PGK1: variants seen among roughly 807,000 people sequenced by gnomAD.
PGK1 encodes PRP 2.
Under a neutral mutation model 26.9 loss-of-function variants are expected in PGK1, and 3 were observed. That is an observed-to-expected ratio of 0.11 (90% CI 0.05 to 0.29). The LOEUF (loss-of-function observed/expected upper bound fraction) is 0.29, where lower values mean the gene tolerates loss of function less well. Among genes scored for constraint, PGK1 ranks in the 10% least tolerant of loss-of-function variants. The pLI, the probability that PGK1 is intolerant of heterozygous loss-of-function variation, is 1.00. For synonymous variants in PGK1, 125 were observed against 115.3 expected (o/e 1.08, Z -0.54); for missense variants, 270 against 314.7 (o/e 0.86, Z 1.07).
chrX:78,116,004 A>G (rs1406954777), intron 4 of PGK1, among the ~76,000 whole-genome samples: 4 of 106,956 alleles, frequency 3.7e-5, no homozygotes, highest in Non-Finnish European at 7.7e-5. Context: ...ACATACCACC[A>G]TGTCCAACTG....
At chrX:78,120,179 A>T (rs781956274) in intron 6 of PGK1, among the ~76,000 whole-genome samples, 1 of 111,870 alleles carries the variant, frequency 8.9e-6, no homozygotes, top group Admixed American at 9.5e-5. Flanking sequence ...ATTTTATTAA[A>T]CAAACTTTAT....
chrX:78,125,856 G>A lies in PGK1; in HGVS notation c.*26G>A. 4.4e-6 allele frequency: 5 copies of A among 1,130,826 alleles called. No individual in the cohort carries two copies. Among genetic ancestry groups the A allele is most frequent in the Non-Finnish European group, 6.1e-6 (5 of 821,872 alleles). The allele number at this position is 1,130,826 out of a possible 1,213,427, so 93.2% of individuals were successfully genotyped here. On this transcript the variant is annotated 3_prime_UTR_variant, in exon 11 of 11. Coordinates refer to ENST00000373316, the MANE Select transcript of PGK1 (RefSeq NM_000291.4). Reference sequence around the variant, plus strand: ...TACTTTCCTGCCTTTTAGTTCCTGTGCACAGCCCCTAAGTCAACTTAGCAT... The same window carrying A: ...TACTTTCCTGCCTTTTAGTTCCTGTACACAGCCCCTAAGTCAACTTAGCAT...
rs781945771 is a variant in PGK1, at chrX:78,119,235, C to T, written c.641+1065C>T. Among the ~76,000 whole-genome samples the T allele has an allele frequency of 8.3e-4, 93 of 111,984 alleles. 1 individual carries two copies. The highest frequency in any genetic ancestry group is 3.0e-3 in the African/African-American group (93 of 30,814). ...TTAATATATAATTTAGACCTCATTT[C>T]TCCAGATTACATACCTATTTTATCT... is the stretch of plus-strand genomic sequence containing the variant. On this transcript the variant is annotated intron_variant, in intron 6 of 10. Transcript: ENST00000373316.
At position 78,128,782 on chromosome X, in the gene PGK1, G is replaced by A. The variant is rs2078394395; in HGVS notation, c.*2952G>A. 1 of 111,190 alleles carries A rather than the reference G, an allele frequency of 9.0e-6. No individual in the cohort carries two copies. The highest frequency in any genetic ancestry group is 3.8e-4 in the South Asian group (1 of 2,657). The allele number at this position is 111,190 out of a possible 1,213,427, so 9.2% of individuals were successfully genotyped here. A position where few individuals can be genotyped will look rare whatever the true frequency, so the allele number is the denominator to read the frequency against. On this transcript the variant is annotated 3_prime_UTR_variant, in exon 11 of 11. Coordinates refer to ENST00000373316, the MANE Select transcript of PGK1 (RefSeq NM_000291.4). ...TTCCAAAATTTCCCTCTAGCACAGG[G>A]GTTTACACATGATCAAAAAGGAGTA... is the stretch of plus-strand genomic sequence containing the variant.
Position 78,125,824 on chromosome X carries a change from T to G in PGK1, c.1248T>G (p.Asn416Lys), listed in dbSNP as rs1208847909. 1.6e-5 allele frequency: 19 copies of G among 1,195,555 alleles called. No individual in the cohort carries two copies. Among genetic ancestry groups the G allele is most frequent in the Non-Finnish European group, 2.2e-5 (19 of 881,989 alleles). The change falls in exon 11 of 11, where the codon AAT (asparagine) becomes AAG (lysine). Residue 416 changes from asparagine (N) to lysine (K), a missense_variant. Asn to Lys is a moderately conservative substitution (Grantham distance 94). Coordinates refer to ENST00000373316, the MANE Select transcript of PGK1 (RefSeq NM_000291.4). Reference sequence around the variant, plus strand: ...TTCCTGGGGTGGATGCTCTCAGCAATATTTAGTACTTTCCTGCCTTTTAGT... The same window carrying G: ...TTCCTGGGGTGGATGCTCTCAGCAAGATTTAGTACTTTCCTGCCTTTTAGT... ...KVLPGVDALS[N>K]I
chrX:78,122,871 T>C lies in PGK1; in HGVS notation c.678T>C (p.Asn226=). 1 of 1,201,229 alleles carries C rather than the reference T, an allele frequency of 8.3e-7. No individual in the cohort carries two copies. Among genetic ancestry groups the C allele is most frequent in the Non-Finnish European group, 1.1e-6 (1 of 886,810 alleles). ...CAGACAAGATCCAGCTCATCAATAA[T>C]ATGCTGGACAAAGTCAATGAGATGA... ...KVADKIQLIN[N]MLDKVNEMII... The change falls in exon 7 of 11, where the codon AAT becomes AAC. Residue 226 remains asparagine, a synonymous_variant. Transcript: ENST00000373316.
chrX:78,110,394 A>C (rs1393768116), intron 2 of PGK1, among the ~76,000 whole-genome samples: 1 of 109,698 alleles, frequency 9.1e-6, no homozygotes, highest in African/African-American at 3.3e-5. Context: ...TCCTGGACTC[A>C]AGTGATCCTC....
chrX:78,113,655 C>T lies in PGK1; in HGVS notation c.117-89C>T, dbSNP rs897536651. On this transcript the variant is annotated intron_variant, in intron 2 of 10. Transcript: ENST00000373316. ...GAAGGAACTTGGAGAAGAAAAGGAGCTTTATGCTTTATGAGGTTATCAATA... is the reference window on the plus strand; with the variant it reads ...GAAGGAACTTGGAGAAGAAAAGGAGTTTTATGCTTTATGAGGTTATCAATA... 15 of 828,508 alleles carry T rather than the reference C, an allele frequency of 1.8e-5. 1 individual carries two copies. The highest frequency in any genetic ancestry group is 4.3e-5 in the South Asian group (2 of 46,505). 68.3% of individuals were successfully genotyped at this position (828,508 alleles called of 1,213,427 possible).
chrX:78,123,978 G>C lies in PGK1; in HGVS notation c.936+604G>C, dbSNP rs182917614. Among the ~76,000 whole-genome samples the C allele has an allele frequency of 8.2e-4, 91 of 111,563 alleles. 1 individual carries two copies. Among genetic ancestry groups the C allele is most frequent in the African/African-American group, 3.0e-3 (91 of 30,672 alleles). On this transcript the variant is annotated intron_variant, in intron 8 of 10. Coordinates refer to ENST00000373316, the MANE Select transcript of PGK1 (RefSeq NM_000291.4). ...AAGTACTTACTGCGTACTGGAGATA[G>C]TGTCATGTACTTTCATGGTTTGGGT... is the stretch of plus-strand genomic sequence containing the variant.
intron 2 of PGK1, among the ~76,000 whole-genome samples, chrX:78,110,786 T>A (rs1459568571): frequency 9.1e-6 from 1 of 110,489 alleles, no homozygotes; most frequent in Non-Finnish European, 1.9e-5. Context: ...CATTTGTTTT[T>A]GCTTCCAAAA....
chrX:78,123,288 G>A lies in PGK1; in HGVS notation c.850G>A (p.Val284Ile), dbSNP rs782317638. The change falls in exon 8 of 11, where the codon GTT (valine) becomes ATT (isoleucine). Residue 284 changes from valine (V) to isoleucine (I), a missense_variant. Physicochemically the swap from Val to Ile is conservative, Grantham distance 29. This residue lies in a region of PGK1 where 103 missense variants were observed against 114.6 expected (regional missense o/e 0.90). Coordinates refer to ENST00000373316, the MANE Select transcript of PGK1 (RefSeq NM_000291.4). ...GAATGGTGTGAAGATTACCTTGCCT[G>A]TTGACTTTGTCACTGCTGACAAGTT... ...EKNGVKITLP[V>I]DFVTADKFDE... is the part of the protein sequence containing the mutation. 2.4e-5 allele frequency: 29 copies of A among 1,204,755 alleles called. No individual in the cohort carries two copies. The highest frequency in any genetic ancestry group is 4.4e-5 in the Admixed American group (2 of 45,771).
chrX:78,122,595 G>GT (rs1340543731), intron 6 of PGK1, among the ~76,000 whole-genome samples: 3 of 110,882 alleles, frequency 2.7e-5, no homozygotes, highest in African/African-American at 9.9e-5. Flanking sequence ...TGTATTGATG[G>GT]TAAGTGGGGT....
chrX:78,106,390 T>C (rs1292303662), intron 1 of PGK1: 1 of 746,244 alleles, frequency 1.3e-6, no homozygotes, highest in African/African-American at 2.3e-5. Flanking sequence ...TTATTTAGGC[T>C]GAGGACAGGA....
At chrX:78,119,162 A>C (rs1052587169) in intron 6 of PGK1, among the ~76,000 whole-genome samples, 14 of 111,778 alleles carry the variant, frequency 1.3e-4, no homozygotes, top group African/African-American at 4.2e-4. Context: ...GCAGGGTATA[A>C]CCATATAACC....
In PGK1 at chrX:78,127,414, G is replaced by A. The variant is rs1557248819; in HGVS notation, c.*1584G>A. On this transcript the variant is annotated 3_prime_UTR_variant, in exon 11 of 11. Coordinates refer to ENST00000373316, the MANE Select transcript of PGK1 (RefSeq NM_000291.4). ...TTCCTGTCCTTTTAATGGAGTTTTG[G>A]GAGAGAGCAGAGGTAAACATGATTT... 8.9e-6 allele frequency: 1 copy of A among 111,846 alleles called. No individual in the cohort carries two copies. Among genetic ancestry groups the A allele is most frequent in the African/African-American group, 3.3e-5 (1 of 30,736 alleles). The allele number at this position is 111,846 out of a possible 1,213,427, so 9.2% of individuals were successfully genotyped here.
At chrX:78,111,087 AT>A (rs1237619807) in intron 2 of PGK1, among the ~76,000 whole-genome samples, 145 of 99,409 alleles carry the variant, frequency 1.5e-3, no homozygotes, top group South Asian at 5.6e-3. Context: ...TTTTTATTTA[AT>A]TTTTTTTTTT....
chrX:78,116,283 C>T (rs1354134660), intron 4 of PGK1, among the ~76,000 whole-genome samples: 1 of 111,927 alleles, frequency 8.9e-6, no homozygotes, highest in Non-Finnish European at 1.9e-5. Flanking sequence ...ACTCAGGTCT[C>T]CTTACATTTG....
At chrX:78,122,441 G>A (rs2078360430) in intron 6 of PGK1, among the ~76,000 whole-genome samples, 1 of 107,371 alleles carries the variant, frequency 9.3e-6, no homozygotes, top group Admixed American at 1.0e-4. Flanking sequence ...GTGTGTGTGT[G>A]TGTGTGTGTG....
intron 1 of PGK1, among the ~76,000 whole-genome samples, chrX:78,104,811 A>C (rs951916999): frequency 9.0e-6 from 1 of 111,580 alleles, no homozygotes; most frequent in Non-Finnish European, 1.9e-5. Context: ...ACGCTCCTAG[A>C]CCGTCGCAGC....
Sources: gnomAD v4.1 joint callset for allele counts (sites outside exome capture counted in the v4.1 genomes callset) on GRCh38, gnomAD v4.1.1 for gene constraint, gnomAD v4.1.1 regional missense constraint, MANE v1.5 for transcripts, NCBI Gene and HGNC (gene_info 2026-07-23, HGNC 2026-07-21) for gene names.